The following TMC1 variants were observed in gnomAD, a reference collection of about 807,000 sequenced individuals.
TMC1 encodes the protein transmembrane channel-like protein 1.
A neutral mutation model predicts 105.8 loss-of-function variants in TMC1; 84 were observed. The ratio of observed to expected loss-of-function variants is 0.79; its 90% CI spans 0.67 to 0.95. The LOEUF (loss-of-function observed/expected upper bound fraction) is 0.95, where lower values mean the gene tolerates loss of function less well. Ranked by LOEUF, TMC1 falls within the 40% of genes least tolerant of loss-of-function variation. The pLI is 0.00. For synonymous variants in TMC1, 315 were observed against 311.5 expected, an observed-to-expected ratio of 1.01 and a Z score of -0.12; for missense variants, 817 against 914.1, an observed-to-expected ratio of 0.89 and a Z score of 1.37.
At chr9:72,571,694 C>T (rs7860799) in intron 1 of TMC1, among the ~76,000 whole-genome samples, 87,489 of 151,804 alleles carry the variant, frequency 0.58, 26,961 homozygotes, top group African/African-American at 0.81. Context: ...TAAGCAATAC[C>T]GTATATAGTA....
In TMC1 at chr9:72,586,840, A is replaced by G. The variant is rs7029958; in HGVS notation, c.-306+8817A>G. Among the ~76,000 whole-genome samples, 475 of 152,292 alleles carry G rather than the reference A, an allele frequency of 3.1e-3. 4 individuals carry two copies. The highest frequency in any genetic ancestry group is 0.011 in the African/African-American group (456 of 41,562). On this transcript the variant is annotated intron_variant, in intron 2 of 23. Coordinates refer to ENST00000297784, the MANE Select transcript of TMC1 (RefSeq NM_138691.3). ...AGTCCAAGTAACTAAGTGTAATTCAATGTGGTGAATGATATGATTGCTACA... is the reference window on the plus strand; with the variant it reads ...AGTCCAAGTAACTAAGTGTAATTCAGTGTGGTGAATGATATGATTGCTACA...
intron 3 of TMC1, among the ~76,000 whole-genome samples, chr9:72,626,493 T>G (rs531472538): frequency 1.3e-5 from 2 of 152,234 alleles, no homozygotes; most frequent in East Asian, 3.9e-4. Flanking sequence ...AATAGCACCT[T>G]TAGTAACAAC....
At chr9:72,572,817 C>T (rs1375131117) in intron 1 of TMC1, among the ~76,000 whole-genome samples, 2 of 151,888 alleles carry the variant, frequency 1.3e-5, no homozygotes, top group Non-Finnish European at 2.9e-5. Context: ...CATGGTGAAA[C>T]CCTGTCTCTA....
chr9:72,555,627 CTCTT>C (rs572003802), intron 1 of TMC1, among the ~76,000 whole-genome samples: 142 of 151,596 alleles, frequency 9.4e-4, no homozygotes, highest in Middle Eastern at 3.5e-3. Flanking sequence ...CTGGACTTAA[CTCTT>C]TTTTTTTGAG....
intron 4 of TMC1, among the ~76,000 whole-genome samples, chr9:72,635,057 G>C (rs2310154): frequency 6.6e-6 from 1 of 151,952 alleles, no homozygotes; most frequent in African/African-American, 2.4e-5. Flanking sequence ...AGCAGTTTAA[G>C]ACCAGCCTGG....
chr9:72,732,523 C>T (rs1325247944), intron 8 of TMC1, among the ~76,000 whole-genome samples: 1 of 151,170 alleles, frequency 6.6e-6, no homozygotes, highest in Non-Finnish European at 1.5e-5. Flanking sequence ...CAAGATTGCA[C>T]CACTGCACTC....
At chr9:72,551,706 A>G (rs114679212) in intron 1 of TMC1, among the ~76,000 whole-genome samples, 1,598 of 152,282 alleles carry the variant, frequency 0.01, 33 homozygotes, top group African/African-American at 0.036. Flanking sequence ...CAGGACCTGT[A>G]AATGTTCCCT....
chr9:72,768,695 T>A (rs1319393108), intron 12 of TMC1, among the ~76,000 whole-genome samples: 1 of 152,092 alleles, frequency 6.6e-6, no homozygotes, highest in East Asian at 1.9e-4. Flanking sequence ...GTGCCAGCCA[T>A]TAAACATATG....
At chr9:72,803,501 T>G (rs922679067) in intron 17 of TMC1, among the ~76,000 whole-genome samples, 5 of 151,978 alleles carry the variant, frequency 3.3e-5, no homozygotes, top group Non-Finnish European at 7.4e-5. Context: ...AGATCTAATA[T>G]CCAGAATCTA....
rs535226619 is a variant in TMC1 at position 72,800,883 on chromosome 9, C to T, written c.1567-4499C>T. Reference sequence around the variant, plus strand: ...AAAGAACATATAGGACATAACAAATCTGAGTGCTGGCAAGGTCTGGCCTTT... The same window carrying T: ...AAAGAACATATAGGACATAACAAATTTGAGTGCTGGCAAGGTCTGGCCTTT... On this transcript the variant is annotated intron_variant, in intron 17 of 23. Coordinates refer to ENST00000297784, the MANE Select transcript of TMC1 (RefSeq NM_138691.3). 6.4e-4 allele frequency among the ~76,000 whole-genome samples: 97 copies of T among 152,256 alleles called. 2 individuals are homozygous for T. Among genetic ancestry groups the T allele is most frequent in the African/African-American group, 1.9e-3 (79 of 41,558 alleles).
intron 3 of TMC1, among the ~76,000 whole-genome samples, chr9:72,619,809 T>A (rs1010497163): frequency 4.0e-5 from 6 of 151,080 alleles, no homozygotes; most frequent in African/African-American, 9.7e-5. Flanking sequence ...ATTTAACTTA[T>A]TTAATTAATT....
In TMC1 at chr9:72,831,617, G is replaced by A. The variant is rs796075536; in HGVS notation, c.2260+935G>A. On this transcript the variant is annotated intron_variant, in intron 23 of 23. Coordinates refer to ENST00000297784, the MANE Select transcript of TMC1 (RefSeq NM_138691.3). ...CCCACCGCACGACAGGCCCCGGTAT[G>A]TGATGTTCCCCTTCCTGTGTCCAAG... 5.3e-5 allele frequency among the ~76,000 whole-genome samples: 8 copies of A among 152,180 alleles called. 1 individual carries two copies. The highest frequency in any genetic ancestry group is 1.9e-4 in the African/African-American group (8 of 41,510).
At chr9:72,601,602 G>C (rs1411237194) in intron 2 of TMC1, among the ~76,000 whole-genome samples, 4 of 152,276 alleles carry the variant, frequency 2.6e-5, no homozygotes, top group Admixed American at 6.5e-5. Context: ...CTGAGATCGT[G>C]CTCCTGCACT....
At chr9:72,804,002 A>G (rs1828524955) in intron 17 of TMC1, among the ~76,000 whole-genome samples, 1 of 152,238 alleles carries the variant, frequency 6.6e-6, no homozygotes, top group Non-Finnish European at 1.5e-5. Context: ...TCAATGATAG[A>G]CTGGATAAAG....
At chr9:72,812,974 A>C (rs1828729234) in intron 18 of TMC1, among the ~76,000 whole-genome samples, 1 of 152,182 alleles carries the variant, frequency 6.6e-6, no homozygotes, top group Admixed American at 6.5e-5. Context: ...CAAAGGTCCA[A>C]AAATTAAACA....
chr9:72,772,765 C>A (rs1018024092), intron 13 of TMC1, among the ~76,000 whole-genome samples: 5 of 152,128 alleles, frequency 3.3e-5, no homozygotes, highest in Admixed American at 3.3e-4. Flanking sequence ...TTTGAGTCAT[C>A]TCATGGGGTC....
chr9:72,547,586 C>T (rs1015908936), intron 1 of TMC1, among the ~76,000 whole-genome samples: 11 of 152,084 alleles, frequency 7.2e-5, no homozygotes, highest in African/African-American at 2.7e-4. Flanking sequence ...AGTGTTTATC[C>T]TAGAAATAGA....
chr9:72,832,767 G>A (rs1829061450), intron 23 of TMC1, among the ~76,000 whole-genome samples: 1 of 152,082 alleles, frequency 6.6e-6, no homozygotes, highest in African/African-American at 2.4e-5. Flanking sequence ...GTGATGTACA[G>A]TTATCAGACT....
chr9:72,623,162 C>CTTT (rs57488888), intron 3 of TMC1, among the ~76,000 whole-genome samples: 4 of 97,138 alleles, frequency 4.1e-5, no homozygotes, highest in African/African-American at 1.2e-4. Context: ...TTTTTTTTTT[C>CTTT]TTTTTTTTTT....
Sources: gnomAD v4.1 joint callset for allele counts (sites outside exome capture counted in the v4.1 genomes callset) on GRCh38, gnomAD v4.1.1 for gene constraint, MANE v1.5 for transcripts, NCBI Gene and HGNC (gene_info 2026-07-23, HGNC 2026-07-21) for gene names.